PIGG: variants seen among roughly 807,000 people sequenced by gnomAD.
The protein encoded by PIGG is phosphatidylinositol glycan anchor biosynthesis class G (EMM blood group).
In PIGG, 70 loss-of-function variants were observed where a neutral mutation model predicts 83.2. The observed-to-expected ratio is 0.84, with a 90% CI of 0.69 to 1.03. PIGG has a LOEUF of 1.03. PIGG is among the 50% of genes least tolerant of loss of function. The probability of loss-of-function intolerance (pLI) is 0.00; values close to 1 mark genes in which losing one functional copy is unlikely to be tolerated. For synonymous variants in PIGG, 532 were observed against 519.5 expected (o/e 1.02, Z -0.33); for missense variants, 1,257 against 1,233.6 (o/e 1.02, Z -0.28).
At chr4:522,106 C>A in intron 8 of PIGG, 165 bp downstream of exon 8, 1 of 714,284 alleles carries the variant, frequency 1.4e-6, no homozygotes, top group East Asian at 2.7e-5. Flanking sequence ...GTGGAGCAGC[C>A]TTATCCCAGG....
chr4:518,940 G>T (rs1724854572), intron 6 of PIGG, among the ~76,000 whole-genome samples: 2 of 152,202 alleles, frequency 1.3e-5, no homozygotes, highest in Admixed American at 1.3e-4. Context: ...CTCTCTCAGT[G>T]TAGTGGGACC....
At chr4:526,327 C>T (rs955924629) in intron 9 of PIGG, among the ~76,000 whole-genome samples, 4 of 152,218 alleles carry the variant, frequency 2.6e-5, no homozygotes, top group African/African-American at 7.2e-5. Context: ...GGCTTTGAAG[C>T]GGGAGCTGCA....
Position 527,313 on chromosome 4 carries a change from C to T in PIGG, c.2261+83C>T, listed in dbSNP as rs73072152. 6.1e-3 allele frequency: 8,897 copies of T among 1,452,322 alleles called. 431 individuals are homozygous for T. In the African/African-American group the frequency reaches 0.11, roughly 18 times the overall value. The allele number at this position is 1,452,322 out of a possible 1,614,324, so 90.0% of individuals were successfully genotyped here. On this transcript the variant is annotated intron_variant, in intron 10 of 12. Transcript: ENST00000453061. ...GGACACGGGGCGCGTGGAACCACTT[C>T]ACTGTTTGATGAACTGAGAAGACCA... is the stretch of plus-strand genomic sequence containing the variant.
chr4:512,759 G>C (rs934964618), intron 5 of PIGG, among the ~76,000 whole-genome samples: 3 of 152,022 alleles, frequency 2.0e-5, no homozygotes, highest in African/African-American at 4.8e-5. Context: ...AGGTTGCAGT[G>C]AGCCGAGATC....
intron 5 of PIGG, among the ~76,000 whole-genome samples, chr4:511,410 G>T (rs1421734217): frequency 6.6e-6 from 1 of 151,796 alleles, no homozygotes; most frequent in South Asian, 2.1e-4. Context: ...CATTTGGGTT[G>T]TTTCCACTTT....
rs960399559 is a variant in PIGG, at chr4:533,954, T to C, written c.2708T>C (p.Val903Ala). Reference protein sequence around the residue: ...AGPVLWASHLVHFLSSETRSG... With the variant: ...AGPVLWASHLAHFLSSETRSG... ...CCTGTGCTGTGGGCCAGCCACTTAG[T>C]GCACTTCCTGAGCTCAGAAACACGC... The change falls in exon 12 of 13, where the codon GTG (valine) becomes GCG (alanine). Residue 903 changes from valine (V) to alanine (A), a missense_variant. Physicochemically the swap from Val to Ala is moderately conservative, Grantham distance 64. Coordinates refer to ENST00000453061, the MANE Select transcript of PIGG (RefSeq NM_001127178.3). 5.0e-6 allele frequency: 8 copies of C among 1,614,080 alleles called. No individual in the cohort carries two copies. Among genetic ancestry groups the C allele is most frequent in the Admixed American group, 1.7e-5 (1 of 60,006 alleles).
At chr4:509,062 TC>T in intron 5 of PIGG, 92 bp downstream of exon 5, 1 of 1,106,634 alleles carries the variant, frequency 9.0e-7, no homozygotes, top group Non-Finnish European at 1.3e-6. Flanking sequence ...TTTTAGAAGC[TC>T]CATAAGGTTG....
chr4:507,337 T>C, intron 3 of PIGG, 68 bp from the exon 4 acceptor site: 1 of 1,288,836 alleles, frequency 7.8e-7, no homozygotes, highest in Non-Finnish European at 1.1e-6. Context: ...GACTGTTGCG[T>C]TTTCCCCGGG....
chr4:507,209 A>G (rs1219082967), intron 3 of PIGG, among the ~76,000 whole-genome samples, 196 bp from the exon 4 acceptor site: 4 of 152,178 alleles, frequency 2.6e-5, no homozygotes, highest in Non-Finnish European at 5.9e-5. Flanking sequence ...TCAAGTGTTG[A>G]GATGAAAGGC....
chr4:504,149 C>T (rs1553877405), intron 2 of PIGG, among the ~76,000 whole-genome samples: 2 of 152,128 alleles, frequency 1.3e-5, no homozygotes, highest in African/African-American at 4.8e-5. Flanking sequence ...TCTGTCTCCC[C>T]GGGAGCGTGC....
At position 507,386 on chromosome 4, in the gene PIGG, G is replaced by T. The variant is rs782367632; in HGVS notation, c.571-19G>T. 1 of 1,586,612 alleles carries T rather than the reference G, an allele frequency of 6.3e-7. No individual in the cohort carries two copies. ...GGGAAATTAGGTGAGTTGTTTATAC[G>T]TGTGTTTCCCCTTCAAAGGTGGATA... On this transcript the variant is annotated intron_variant, in intron 3 of 12. Coordinates refer to ENST00000453061, the MANE Select transcript of PIGG (RefSeq NM_001127178.3).
At chr4:526,846 C>G (rs1021485046) in intron 9 of PIGG, 193 bp from the exon 10 acceptor site, 2 of 671,116 alleles carry the variant, frequency 3.0e-6, no homozygotes, top group Admixed American at 2.7e-5. Context: ...CCACACCCCA[C>G]TGAGGTTGAC....
intron 11 of PIGG, chr4:533,541 C>T: frequency 2.1e-6 from 1 of 479,754 alleles, no homozygotes; most frequent in Non-Finnish European, 3.8e-6. Flanking sequence ...GTGTGCGTCC[C>T]TCTTCAGAGG....
chr4:505,612 A>G lies in PIGG; in HGVS notation c.361-106A>G, dbSNP rs541301006. Reference sequence around the variant, plus strand: ...TGCATGACTGCACTCCATCCTGAGCAACAGAGAGGGACCCTGTCTCAAAAA... The same window carrying G: ...TGCATGACTGCACTCCATCCTGAGCGACAGAGAGGGACCCTGTCTCAAAAA... On this transcript the variant is annotated intron_variant, in intron 2 of 12. Coordinates refer to ENST00000453061, the MANE Select transcript of PIGG (RefSeq NM_001127178.3). 18 of 754,300 alleles carry G rather than the reference A, an allele frequency of 2.4e-5. No individual in the cohort carries two copies. In the African/African-American group the frequency reaches 3.2e-4, roughly 13 times the overall value. The allele number at this position is 754,300 out of a possible 1,614,324, so 46.7% of individuals were successfully genotyped here.
chr4:516,456 C>T (rs1723884048), intron 6 of PIGG, among the ~76,000 whole-genome samples: 1 of 152,204 alleles, frequency 6.6e-6, no homozygotes, highest in South Asian at 2.1e-4. Context: ...AGGCTGTTAA[C>T]AGGCACTGGA....
At position 499,799 on chromosome 4, in the gene PIGG, A is replaced by G. The variant is rs963681834; in HGVS notation, c.154+310A>G. The G allele has an allele frequency of 6.9e-6, 8 of 1,166,866 alleles. No individual in the cohort carries two copies. The East Asian group carries it at 2.8e-4, about 41-fold the overall frequency. 72.3% of individuals were successfully genotyped at this position (1,166,866 alleles called of 1,614,324 possible). A position where few individuals can be genotyped will look rare whatever the true frequency, so the allele number is the denominator to read the frequency against. ...CAGAGCTCCCGCCCCTTTCCTGAGC[A>G]GCCTTTGGGTCACTCCCCGTTATAG... On this transcript the variant is annotated intron_variant, in intron 1 of 12. Coordinates refer to ENST00000453061, the MANE Select transcript of PIGG (RefSeq NM_001127178.3).
chr4:517,179 C>T (rs1264208133), intron 6 of PIGG, among the ~76,000 whole-genome samples: 1 of 152,148 alleles, frequency 6.6e-6, no homozygotes, highest in Non-Finnish European at 1.5e-5. Context: ...CTTGCATTTT[C>T]GAAGGCTGTC....
In PIGG at chr4:528,543, A is replaced by ACGGGGC. The variant is rs1186962070; in HGVS notation, c.2261+1321_2261+1326dup. 3.0e-6 allele frequency: 3 copies of ACGGGGC among 985,156 alleles called. No homozygotes were observed. The highest frequency in any genetic ancestry group is 2.4e-6 in the Non-Finnish European group (2 of 829,890). The allele number at this position is 985,156 out of a possible 1,614,324, so 61.0% of individuals were successfully genotyped here. A position where few individuals can be genotyped will look rare whatever the true frequency, so the allele number is the denominator to read the frequency against. ...CAGTGAGAGTGTAGCAGGCCGTCAT[A>ACGGGGC]CGGGGCCGGGGCCTGGGGCAGAGAG... On this transcript the variant is annotated intron_variant, in intron 10 of 12. Coordinates refer to ENST00000453061, the MANE Select transcript of PIGG (RefSeq NM_001127178.3). The surrounding 1 kb of genome is among the most constrained non-coding windows in gnomAD (Gnocchi z 4.8).
At chr4:535,358 C>T (rs987346475) in intron 12 of PIGG, among the ~76,000 whole-genome samples, 3 of 112,456 alleles carry the variant, frequency 2.7e-5, no homozygotes, top group African/African-American at 4.2e-5. Flanking sequence ...CACGCTTGTC[C>T]CTGCTGCCAG....
Sources: allele counts gnomAD v4.1 joint callset (sites outside exome capture counted in the v4.1 genomes callset), GRCh38; gene constraint gnomAD v4.1.1; non-coding constraint Gnocchi (gnomAD v3.1); transcripts MANE v1.5; gene names NCBI Gene and HGNC (gene_info 2026-07-23, HGNC 2026-07-21).